The following TMEM150C variants were observed in gnomAD, a reference collection of about 807,000 sequenced individuals.
The protein encoded by TMEM150C is transmembrane protein 150C, also known as tentonin 3.
A neutral mutation model predicts 29.9 loss-of-function variants in TMEM150C; 10 were observed. That is an observed-to-expected ratio of 0.33 (90% CI 0.21 to 0.57). The LOEUF (loss-of-function observed/expected upper bound fraction) is 0.57. Among genes scored for constraint, TMEM150C ranks in the 20% least tolerant of loss-of-function variants. The pLI is 0.88. For synonymous variants in TMEM150C, 101 were observed against 112.5 expected, an observed-to-expected ratio of 0.90 and a Z score of 0.64; for missense variants, 251 against 303.6, an observed-to-expected ratio of 0.83 and a Z score of 1.29.
chr4:82,562,235 C>A (rs1368311304), upstream of TMEM150C: 3 of 1,283,834 alleles, frequency 2.3e-6, no homozygotes, highest in Admixed American at 7.0e-5. Context: ...TTGCCTGGCG[C>A]TCCTCATCCA....
intron 6 of TMEM150C, 47 bp downstream of exon 6, chr4:82,496,021 A>G (rs748693211): frequency 2.5e-6 from 4 of 1,610,980 alleles, no homozygotes; most frequent in Non-Finnish European, 3.4e-6. Flanking sequence ...TCAGAAGTGA[A>G]GGTCTTACCA....
intron 1 of TMEM150C, chr4:82,509,778 G>C (rs779194587): frequency 3.3e-5 from 5 of 152,094 alleles, no homozygotes; most frequent in African/African-American, 9.7e-5. Flanking sequence ...CTGGGTGACA[G>C]AGTGAGACTC....
chr4:82,486,915 T>G (rs1723181805), intron 7 of TMEM150C, among the ~76,000 whole-genome samples: 2 of 152,124 alleles, frequency 1.3e-5, no homozygotes, highest in Non-Finnish European at 2.9e-5. Context: ...AAAGGCCAAG[T>G]GTCTGAGGAA....
At chr4:82,519,559 T>C (rs1322298803) in intron 1 of TMEM150C, among the ~76,000 whole-genome samples, 2 of 152,100 alleles carry the variant, frequency 1.3e-5, no homozygotes, top group Non-Finnish European at 2.9e-5. Context: ...CCCAAGTAGC[T>C]GGGATCACAG....
chr4:82,495,659 G>A (rs991253220), intron 6 of TMEM150C: 2 of 298,214 alleles, frequency 6.7e-6, no homozygotes, highest in African/African-American at 2.2e-5. Context: ...ACAGGCAGGC[G>A]GGCATGGCCA....
At chr4:82,526,724 C>T (rs1261181157) in intron 1 of TMEM150C, among the ~76,000 whole-genome samples, 1 of 152,164 alleles carries the variant, frequency 6.6e-6, no homozygotes, top group Non-Finnish European at 1.5e-5. Context: ...TCACCACTTA[C>T]AAAAACCTCT....
intron 5 of TMEM150C, among the ~76,000 whole-genome samples, chr4:82,499,388 C>A (rs1723655257): frequency 6.6e-6 from 1 of 152,104 alleles, no homozygotes; most frequent in Non-Finnish European, 1.5e-5. Flanking sequence ...CTTTGCCATA[C>A]AGGTGTCCCC....
intron 1 of TMEM150C, among the ~76,000 whole-genome samples, chr4:82,523,796 G>C (rs1560491242): frequency 6.6e-6 from 1 of 151,604 alleles, no homozygotes. Context: ...TCCTGCCTGA[G>C]TCTCCTGAGT....
rs115516224 is a variant in TMEM150C, at chr4:82,541,292, T to G, written c.-11+20614A>C. Among the ~76,000 whole-genome samples, 1,520 of 152,262 alleles carry G rather than the reference T, an allele frequency of 1.0e-2. 30 individuals are homozygous for G. The highest frequency in any genetic ancestry group is 0.035 in the African/African-American group (1,438 of 41,548). On this transcript the variant is annotated intron_variant, in intron 1 of 7. Transcript: ENST00000449862. The stretch of plus-strand genomic sequence containing the variant: ...TCTCATAATATGGGTAGATCATAGT[T>G]GTTCACATGTATGTCTGCTATGCTC...
intron 1 of TMEM150C, among the ~76,000 whole-genome samples, chr4:82,510,276 C>T (rs976275192): frequency 6.6e-6 from 1 of 151,940 alleles, no homozygotes; most frequent in Non-Finnish European, 1.5e-5. Context: ...AAGACTCTAT[C>T]TCAAAAACAA....
intron 1 of TMEM150C, among the ~76,000 whole-genome samples, chr4:82,521,087 TCAC>T (rs1724469767): frequency 2.0e-5 from 3 of 152,124 alleles, no homozygotes; most frequent in African/African-American, 7.2e-5. Flanking sequence ...GGCTGCTCCC[TCAC>T]CACAAGTCTT....
chr4:82,532,169 T>C (rs939486516), intron 1 of TMEM150C, among the ~76,000 whole-genome samples: 5 of 152,200 alleles, frequency 3.3e-5, no homozygotes, highest in Admixed American at 1.3e-4. Flanking sequence ...AAAGAGAGTA[T>C]GAATAAGACA....
chr4:82,486,335 T>TAAAAAAAAAAA (rs527967958), intron 7 of TMEM150C, among the ~76,000 whole-genome samples: 3 of 51,304 alleles, frequency 5.8e-5, no homozygotes, highest in African/African-American at 2.7e-4. Flanking sequence ...GACTCCATCT[T>TAAAAAAAAAAA]AAAAAAAAAA....
At chr4:82,554,260 T>A (rs1353276218) in intron 1 of TMEM150C, among the ~76,000 whole-genome samples, 2 of 152,194 alleles carry the variant, frequency 1.3e-5, no homozygotes, top group Non-Finnish European at 2.9e-5. Context: ...CAAACTAGAA[T>A]TTAGAAATTC....
chr4:82,485,420 AATG>A lies in TMEM150C; in HGVS notation c.*88_*90del, dbSNP rs923258237. ...AATGTGTGTGTGTGTGTGTGTGTGAAATGAGGTTCTATGTCAAGTCCTGTGAGT... is the reference window on the plus strand; with the variant it reads ...AATGTGTGTGTGTGTGTGTGTGTGAAAGGTTCTATGTCAAGTCCTGTGAGT... On this transcript the variant is annotated 3_prime_UTR_variant, in exon 8 of 8. Coordinates refer to ENST00000449862, the MANE Select transcript of TMEM150C (RefSeq NM_001080506.3). 1 of 821,038 alleles carries A rather than the reference AATG, an allele frequency of 1.2e-6. No individual in the cohort carries two copies. 50.9% of individuals were successfully genotyped at this position (821,038 alleles called of 1,614,324 possible).
intron 1 of TMEM150C, among the ~76,000 whole-genome samples, chr4:82,546,593 C>T (rs1293353234): frequency 6.6e-6 from 1 of 152,094 alleles, no homozygotes; most frequent in African/African-American, 2.4e-5. Context: ...CTTTGGGAGG[C>T]CGAGGCGGGC....
intron 1 of TMEM150C, among the ~76,000 whole-genome samples, chr4:82,519,409 T>C (rs745935826): frequency 8.0e-5 from 12 of 150,842 alleles, no homozygotes; most frequent in Non-Finnish European, 1.8e-4. Context: ...TTTCTCTTTC[T>C]TTTTCTTTCT....
At chr4:82,557,187 C>T (rs1444508819) in intron 1 of TMEM150C, among the ~76,000 whole-genome samples, 1 of 152,178 alleles carries the variant, frequency 6.6e-6, no homozygotes, top group Non-Finnish European at 1.5e-5. Context: ...ATGCTTGATG[C>T]TAAATCAAAT....
At chr4:82,505,785 AT>A (rs1560484986) in intron 1 of TMEM150C, among the ~76,000 whole-genome samples, 1 of 152,186 alleles carries the variant, frequency 6.6e-6, no homozygotes, top group Non-Finnish European at 1.5e-5. Context: ...GAAATAAAAA[AT>A]CCCCCCTCAC....
Sources: allele counts gnomAD v4.1 joint callset (sites outside exome capture counted in the v4.1 genomes callset), GRCh38; gene constraint gnomAD v4.1.1; transcripts MANE v1.5; gene names NCBI Gene and HGNC (gene_info 2026-07-23, HGNC 2026-07-21).